The following U2SURP variants were observed in gnomAD, a reference collection of about 807,000 sequenced individuals.
U2SURP encodes U2 snRNP associated SURP domain containing, also known as U2 snRNP-associated SURP motif-containing protein.
A neutral mutation model predicts 144.9 loss-of-function variants in U2SURP; 9 were observed. The observed-to-expected ratio is 0.06, with a 90% confidence interval of 0.04 to 0.11. The LOEUF (loss-of-function observed/expected upper bound fraction) is 0.11. Ranked by LOEUF, U2SURP falls within the 10% of genes least tolerant of loss-of-function variation. The pLI is 1.00. For synonymous variants in U2SURP, 408 were observed against 396.8 expected (o/e 1.03, Z -0.33); for missense variants, 724 against 1,226.7 (o/e 0.59, Z 6.12).
At chr3:143,046,800 T>A (rs1465896724) in intron 24 of U2SURP, among the ~76,000 whole-genome samples, 1 of 128,876 alleles carries the variant, frequency 7.8e-6, no homozygotes, top group Admixed American at 7.4e-5. Context: ...AAACCGCCAT[T>A]GTCATCATGG....
intron 16 of U2SURP, among the ~76,000 whole-genome samples, chr3:143,031,180 TGAA>T (rs1241569119): frequency 1.1e-4 from 17 of 152,316 alleles, no homozygotes; most frequent in Admixed American, 2.0e-4. Flanking sequence ...GTATTTCTGA[TGAA>T]GAAGCTGTGA....
chr3:143,034,637 A>G (rs2108297003), intron 18 of U2SURP: 1 of 293,942 alleles, frequency 3.4e-6, no homozygotes, highest in Non-Finnish European at 6.3e-6. Context: ...CATATCCTAG[A>G]TATAACGTTT....
At position 143,058,485 on chromosome 3, in the gene U2SURP, T is replaced by G. The variant is rs1456694816; in HGVS notation, c.*2035T>G. The stretch of plus-strand genomic sequence containing the variant: ...TTACAGTGGGTGAAACTGACTTTCT[T>G]TTGGTTGGGTGGGTGAGGATTTCTT... On this transcript the variant is annotated 3_prime_UTR_variant, in exon 28 of 28. Transcript: ENST00000473835. 2 of 151,876 alleles carry G rather than the reference T, an allele frequency of 1.3e-5. No homozygotes were observed. The highest frequency in any genetic ancestry group is 2.9e-5 in the Non-Finnish European group (2 of 67,816). The allele number at this position is 151,876 out of a possible 1,614,324, so 9.4% of individuals were successfully genotyped here.
Position 143,020,245 on chromosome 3 carries a change from C to T in U2SURP, c.638+209C>T, listed in dbSNP as rs1578127817. On this transcript the variant is annotated intron_variant, in intron 7 of 27. Transcript: ENST00000473835. ...CTGGGTTGCTTGCATTACGAGGATT[C>T]AGTTCAATTGATTTACTTAATGTCC... Among the ~76,000 whole-genome samples, 3 of 152,276 alleles carry T rather than the reference C, an allele frequency of 2.0e-5. No individual in the cohort carries two copies. The South Asian group carries it at 6.2e-4, about 32-fold the overall frequency.
chr3:143,050,953 G>A lies in U2SURP; in HGVS notation c.2559G>A (p.Lys853=). Residue 853 remains lysine (K), a synonymous_variant, in exon 25 of 28, where the codon AAG becomes AAA. Transcript: ENST00000473835. ...KLREIELKVM[K]FQDELESGKR... is the part of the protein sequence containing the mutation. The stretch of plus-strand genomic sequence containing the variant: ...TTATTTCACAGCTCAAAGTTATGAA[G>A]TTTCAGGATGAATTGGAATCTGGGA... 1 of 1,610,334 alleles carries A rather than the reference G, an allele frequency of 6.2e-7. No individual in the cohort carries two copies. Among genetic ancestry groups the A allele is most frequent in the Non-Finnish European group, 8.5e-7 (1 of 1,177,878 alleles).
Position 143,023,074 on chromosome 3 carries a change from A to G in U2SURP, c.1230+10A>G. On this transcript the variant is annotated intron_variant, in intron 12 of 27. Coordinates refer to ENST00000473835, the MANE Select transcript of U2SURP (RefSeq NM_001080415.2). The stretch of plus-strand genomic sequence containing the variant: ...AGAGGATTTTGAGAAGGTAATTTAA[A>G]AAATGGACATAAGGCCGCATCTAAT... The G allele has an allele frequency of 6.3e-7, 1 of 1,583,012 alleles. No individual in the cohort carries two copies. The highest frequency in any genetic ancestry group is 8.6e-7 in the Non-Finnish European group (1 of 1,163,862).
intron 16 of U2SURP, among the ~76,000 whole-genome samples, chr3:143,031,969 A>T (rs943439417): frequency 2.6e-5 from 4 of 152,320 alleles, no homozygotes; most frequent in African/African-American, 9.6e-5. Flanking sequence ...TTTTACTGGA[A>T]TACAGTCAAT....
chr3:143,022,662 G>C lies in U2SURP; in HGVS notation c.1018G>C (p.Gly340Arg), dbSNP rs370839077. The C allele has an allele frequency of 6.2e-7, 1 of 1,606,960 alleles. No individual in the cohort carries two copies. Among genetic ancestry groups the C allele is most frequent in the African/African-American group, 1.3e-5 (1 of 74,234 alleles). ...TGAAAGAGCTTTAAAAAATTTGAAT[G>C]GTAAGAACATTTTTATTATCCATTT... is the stretch of plus-strand genomic sequence containing the variant. ...DAERALKNLN[G>R]KMIMSFEMKL... The change falls in exon 11 of 28, where the codon GGA (glycine) becomes CGA (arginine). Residue 340 changes from glycine (G) to arginine (R), a missense_variant and splice_region_variant. This residue lies in a region of U2SURP where 16 missense variants were observed against 18.0 expected (regional missense o/e 0.89). Transcript: ENST00000473835.
intron 13 of U2SURP, chr3:143,024,495 A>G (rs1933012541): frequency 4.5e-6 from 2 of 445,436 alleles, no homozygotes; most frequent in African/African-American, 2.0e-5. Flanking sequence ...AGAAATTCCT[A>G]TTATTGTCAT....
intron 27 of U2SURP, among the ~76,000 whole-genome samples, chr3:143,055,640 TGA>T (rs1291980150): frequency 6.6e-6 from 1 of 152,210 alleles, no homozygotes; most frequent in Non-Finnish European, 1.5e-5. Context: ...GGAATTTTCC[TGA>T]GAGCTAAAAC....
In U2SURP at chr3:143,012,261, C is replaced by G; in HGVS notation, c.130C>G (p.Arg44Gly). 1 of 1,613,054 alleles carries G rather than the reference C, an allele frequency of 6.2e-7. No homozygotes were observed. The highest frequency in any genetic ancestry group is 1.3e-5 in the African/African-American group (1 of 74,962). The part of the protein sequence containing the change: ...SGPSDSDMPS[R>G]TRPKSPRKHN... The stretch of plus-strand genomic sequence containing the variant: ...ACCCTCAGATAGTGATATGCCAAGT[C>G]GGACACGACCTAAGAGCCCAAGAAA... The change falls in exon 3 of 28, where the codon CGG becomes GGG. Residue 44 changes from arginine (R) to glycine (G), a missense_variant. Physicochemically the swap from Arg to Gly is moderately radical, Grantham distance 125. Transcript: ENST00000473835.
chr3:143,052,564 T>G (rs1175903340), intron 25 of U2SURP, among the ~76,000 whole-genome samples: 1 of 152,202 alleles, frequency 6.6e-6, no homozygotes, highest in Non-Finnish European at 1.5e-5. Context: ...CCTGATTCTG[T>G]AAATAGTTGT....
At chr3:143,026,472 A>T (rs1267580085) in intron 13 of U2SURP, 5 of 152,066 alleles carry the variant, frequency 3.3e-5, no homozygotes, top group Non-Finnish European at 5.9e-5. Flanking sequence ...TGGAGGGAAA[A>T]AAGATATATA....
chr3:143,014,463 GT>G, intron 4 of U2SURP, 54 bp downstream of exon 4: 1 of 1,216,604 alleles, frequency 8.2e-7, no homozygotes, highest in Non-Finnish European at 1.2e-6. Context: ...TGTCTAAGGG[GT>G]TAGTAAGTGT....
intron 20 of U2SURP, chr3:143,036,893 A>G (rs1933839672): frequency 2.7e-6 from 1 of 368,150 alleles, no homozygotes; most frequent in African/African-American, 2.1e-5. Context: ...CCCCTGCAAA[A>G]CAACAGCAAA....
intron 1 of U2SURP, among the ~76,000 whole-genome samples, chr3:143,009,638 G>A (rs1279830375): frequency 2.0e-5 from 3 of 151,890 alleles, no homozygotes; most frequent in Admixed American, 2.0e-4. Context: ...GATGGGAGGG[G>A]TCCCAGTGCT....
At chr3:143,021,809 T>C (rs977920940) in intron 10 of U2SURP, among the ~76,000 whole-genome samples, 20 of 152,178 alleles carry the variant, frequency 1.3e-4, no homozygotes, top group African/African-American at 4.6e-4. Context: ...GTGTGACCAT[T>C]GATGAATAAT....
At chr3:143,005,307 A>G (rs1560172438) in intron 1 of U2SURP, among the ~76,000 whole-genome samples, 1 of 152,224 alleles carries the variant, frequency 6.6e-6, no homozygotes, top group African/African-American at 2.4e-5. Context: ...TTTAAGAAAT[A>G]AGTAAACTGA....
rs189311922 is a variant in U2SURP at position 143,028,992 on chromosome 3, G to A, written c.1610+346G>A. ...TGCAACATAAAGAAGAAAAACTATT[G>A]TGTGGCTAGTGGGATCAGATTGTGG... is the stretch of plus-strand genomic sequence containing the variant. On this transcript the variant is annotated intron_variant, in intron 16 of 27. Transcript: ENST00000473835. Among the ~76,000 whole-genome samples, 13 of 152,278 alleles carry A rather than the reference G, an allele frequency of 8.5e-5. No individual in the cohort carries two copies. The East Asian group carries it at 2.5e-3, about 29-fold the overall frequency.
Sources: allele counts gnomAD v4.1 joint callset (sites outside exome capture counted in the v4.1 genomes callset), GRCh38; gene constraint gnomAD v4.1.1; regional missense constraint gnomAD v4.1.1; transcripts MANE v1.5; gene names NCBI Gene and HGNC (gene_info 2026-07-23, HGNC 2026-07-21).